The following TMEM132D variants were observed in gnomAD, a reference collection of about 807,000 sequenced individuals.
TMEM132D encodes the protein transmembrane protein 132D, also known as mature OL transmembrane protein.
TMEM132D carries 21 observed loss-of-function variants against 62.3 expected under a neutral mutation model. The observed-to-expected ratio is 0.34, with a 90% CI of 0.24 to 0.49. The LOEUF (loss-of-function observed/expected upper bound fraction) is 0.49. Ranked by LOEUF, TMEM132D falls within the 20% of genes least tolerant of loss-of-function variation. The probability of loss-of-function intolerance (pLI) is 0.99; values close to 1 mark genes in which losing one functional copy is unlikely to be tolerated. For missense variants in TMEM132D, 1,346 were observed against 1,402.8 expected, an observed-to-expected ratio of 0.96 and a Z score of 0.65; for synonymous variants, 621 against 575.6, an observed-to-expected ratio of 1.08 and a Z score of -1.13.
chr12:129,197,247 C>A (rs1056536668), intron 5 of TMEM132D, among the ~76,000 whole-genome samples: 1 of 152,092 alleles, frequency 6.6e-6, no homozygotes. Context: ...ACAAAAGCAG[C>A]CATAGACAAT....
rs114358269 is a variant in TMEM132D, at chr12:129,785,090, C to T, written c.80-84392G>A. On this transcript the variant is annotated intron_variant, in intron 1 of 8. Transcript: ENST00000422113. ...CATGAGCTTTCATATTAAAATTCAA[C>T]TTTCTTAATTCCCTTGCACCAGCTG... Among the ~76,000 whole-genome samples the T allele has an allele frequency of 4.4e-3, 677 of 152,276 alleles. 7 individuals carry two copies. The highest frequency in any genetic ancestry group is 0.016 in the African/African-American group (645 of 41,558).
intron 5 of TMEM132D, among the ~76,000 whole-genome samples, chr12:129,096,967 T>C (rs896155913): frequency 6.6e-6 from 1 of 152,096 alleles, no homozygotes; most frequent in African/African-American, 2.4e-5. Flanking sequence ...CCATGTGGCC[T>C]GGGTCATAAG....
chr12:129,357,522 GAAGGAAAGA>G (rs949740489), intron 3 of TMEM132D, among the ~76,000 whole-genome samples: 27 of 150,628 alleles, frequency 1.8e-4, no homozygotes, highest in South Asian at 8.4e-4. Flanking sequence ...AAGAAAGAAG[GAAGGAAAGA>G]AAGGAAAGAA....
chr12:129,420,306 G>GGTTTTTTTTTTTTTTTTTTTTTT (rs1457529737), intron 3 of TMEM132D, among the ~76,000 whole-genome samples: 3 of 112,304 alleles, frequency 2.7e-5, no homozygotes, highest in Admixed American at 9.6e-5. Flanking sequence ...CACGTTCTCT[G>GGTTTTTTTTTTTTTTTTTTTTTT]TTTTTTTTTT....
intron 5 of TMEM132D, among the ~76,000 whole-genome samples, chr12:129,189,212 C>A (rs1266922377): frequency 6.6e-6 from 1 of 152,110 alleles, no homozygotes; most frequent in Non-Finnish European, 1.5e-5. Context: ...TTGCTCATAG[C>A]CTTTGGAGGT....
At chr12:129,129,776 G>A (rs1008339251) in intron 5 of TMEM132D, among the ~76,000 whole-genome samples, 16 of 152,006 alleles carry the variant, frequency 1.1e-4, no homozygotes, top group African/African-American at 3.4e-4. Flanking sequence ...CTTGTTGGCC[G>A]CTCGTATGTC....
rs112218245 is a variant in TMEM132D, at chr12:129,373,689, G to A, written c.1116-35872C>T. On this transcript the variant is annotated intron_variant, in intron 3 of 8. Transcript: ENST00000422113. ...AAACAACAAAAAAACATTTAAAAGC[G>A]GCAGGAAGCATGTTTAAAGCAGGCA... 3.1e-3 allele frequency among the ~76,000 whole-genome samples: 472 copies of A among 152,114 alleles called. 5 individuals are homozygous for A. Among genetic ancestry groups the A allele is most frequent in the African/African-American group, 0.011 (441 of 41,516 alleles).
intron 2 of TMEM132D, among the ~76,000 whole-genome samples, chr12:129,684,433 C>T (rs1244743300): frequency 1.3e-5 from 2 of 152,018 alleles, no homozygotes; most frequent in African/African-American, 4.8e-5. Flanking sequence ...CTGAGGCCTC[C>T]CCAGCCCTGC....
intron 1 of TMEM132D, among the ~76,000 whole-genome samples, chr12:129,812,636 C>G (rs2137317062): frequency 6.6e-6 from 1 of 151,920 alleles, no homozygotes; most frequent in Non-Finnish European, 1.5e-5. Flanking sequence ...GACCGCTCAA[C>G]AGCATTTGAC....
Position 129,076,193 on chromosome 12 carries a change from C to T in TMEM132D, c.2116-1134G>A, listed in dbSNP as rs978736875. 2.0e-5 allele frequency among the ~76,000 whole-genome samples: 3 copies of T among 152,314 alleles called. No homozygotes were observed. The South Asian group carries it at 6.2e-4, about 32-fold the overall frequency. On this transcript the variant is annotated intron_variant, in intron 8 of 8. Coordinates refer to ENST00000422113, the MANE Select transcript of TMEM132D (RefSeq NM_133448.3). ...ATATAAAATTGGGGAATGAAGCCCTCTGATGGACTATGTATAAGCAAATGT... is the reference window on the plus strand; with the variant it reads ...ATATAAAATTGGGGAATGAAGCCCTTTGATGGACTATGTATAAGCAAATGT...
intron 5 of TMEM132D, among the ~76,000 whole-genome samples, chr12:129,194,058 T>C (rs1438759438): frequency 1.3e-5 from 2 of 152,236 alleles, no homozygotes; most frequent in African/African-American, 2.4e-5. Context: ...GCAATCCTCA[T>C]GGTTTGCTTT....
chr12:129,731,296 C>T (rs1225994352), intron 1 of TMEM132D, among the ~76,000 whole-genome samples: 1 of 152,030 alleles, frequency 6.6e-6, no homozygotes, highest in Admixed American at 6.5e-5. Flanking sequence ...CCTCTCGAAA[C>T]ATACTGTCTT....
rs1297525036 is a variant in TMEM132D, at chr12:129,142,002, A to AAT, written c.1444-57302_1444-57301dup. On this transcript the variant is annotated intron_variant, in intron 5 of 8. Coordinates refer to ENST00000422113, the MANE Select transcript of TMEM132D (RefSeq NM_133448.3). ...TATTAGATAATATATAACAATATTAAATATATATATAAATATATATATTTT... is the reference window on the plus strand; with the variant it reads ...TATTAGATAATATATAACAATATTAAATATATATATATAAATATATATATTTT... Among the ~76,000 whole-genome samples the AAT allele has an allele frequency of 4.7e-4, 69 of 147,660 alleles. No individual in the cohort carries two copies. In the East Asian group the frequency reaches 0.013, roughly 28 times the overall value.
chr12:129,309,318 G>A (rs1881916781), intron 4 of TMEM132D, among the ~76,000 whole-genome samples: 1 of 152,016 alleles, frequency 6.6e-6, no homozygotes, highest in Admixed American at 6.6e-5. Flanking sequence ...AAATGCAAAG[G>A]GAAGGCATAG....
intron 3 of TMEM132D, among the ~76,000 whole-genome samples, chr12:129,517,114 T>C (rs987126518): frequency 6.6e-6 from 1 of 152,114 alleles, no homozygotes; most frequent in African/African-American, 2.4e-5. Flanking sequence ...TGACAAGCTA[T>C]AGATCCCGGA....
At position 129,244,900 on chromosome 12, in the gene TMEM132D, C is replaced by T. The variant is rs1465877844; in HGVS notation, c.1300-35237G>A. Among the ~76,000 whole-genome samples, 7 of 152,162 alleles carry T rather than the reference C, an allele frequency of 4.6e-5. 1 individual carries two copies. On this transcript the variant is annotated intron_variant, in intron 4 of 8. Transcript: ENST00000422113. ...AGGTGATCCACCTGCCTCTGCCTCC[C>T]AAAGTGTTGGGATTACAGGTGTGAG...
chr12:129,174,951 T>C (rs1021565768), intron 5 of TMEM132D, among the ~76,000 whole-genome samples: 3 of 152,240 alleles, frequency 2.0e-5, no homozygotes, highest in African/African-American at 7.2e-5. Context: ...TTTGTTTAAG[T>C]TCCTTGTAAA....
intron 3 of TMEM132D, among the ~76,000 whole-genome samples, chr12:129,404,992 C>T (rs550493419): frequency 6.6e-6 from 1 of 152,272 alleles, no homozygotes; most frequent in Non-Finnish European, 1.5e-5. Context: ...GACTGCGGGA[C>T]CACAGGGTGG....
At chr12:129,096,869 A>G (rs1401630971) in intron 5 of TMEM132D, among the ~76,000 whole-genome samples, 1 of 152,122 alleles carries the variant, frequency 6.6e-6, no homozygotes, top group Non-Finnish European at 1.5e-5. Flanking sequence ...TTTTTACACA[A>G]CCTCAAATTT....
Sources: gnomAD v4.1 joint callset for allele counts (sites outside exome capture counted in the v4.1 genomes callset) on GRCh38, gnomAD v4.1.1 for gene constraint, MANE v1.5 for transcripts, NCBI Gene and HGNC (gene_info 2026-07-23, HGNC 2026-07-21) for gene names.